The following PRKN variants were observed in gnomAD, a reference collection of about 807,000 sequenced individuals.
PRKN encodes parkin RBR E3 ubiquitin protein ligase.
A neutral mutation model predicts 59.5 loss-of-function variants in PRKN; 56 were observed. That is an observed-to-expected ratio of 0.94 (90% CI 0.76 to 1.18). PRKN has a LOEUF of 1.18. Among genes scored for constraint, PRKN ranks in the 50% most tolerant of loss-of-function variants. The pLI, the probability that PRKN is intolerant of heterozygous loss-of-function variation, is 0.00. For synonymous variants in PRKN, 250 were observed against 222.1 expected, an observed-to-expected ratio of 1.13 and a Z score of -1.12; for missense variants, 657 against 596.4, an observed-to-expected ratio of 1.10 and a Z score of -1.06.
At chr6:162,719,915 A>G (rs1485093993) in intron 1 of PRKN, among the ~76,000 whole-genome samples, 1 of 114,630 alleles carries the variant, frequency 8.7e-6, no homozygotes, top group Non-Finnish European at 1.8e-5. Context: ...AAAAAAAAAA[A>G]AAAACTAAAG....
intron 1 of PRKN, among the ~76,000 whole-genome samples, chr6:162,469,228 GAA>G (rs1791586122): frequency 2.0e-5 from 3 of 151,634 alleles, no homozygotes; most frequent in Admixed American, 2.0e-4. Context: ...CACACTATAA[GAA>G]AAGTTCAGAG....
At chr6:161,980,709 G>A (rs1052424597) in intron 5 of PRKN, among the ~76,000 whole-genome samples, 1 of 152,148 alleles carries the variant, frequency 6.6e-6, no homozygotes, top group African/African-American at 2.4e-5. Context: ...AAATGCCCCT[G>A]GCTTCTGCCT....
chr6:161,577,996 C>T (rs1052509368), intron 7 of PRKN, among the ~76,000 whole-genome samples: 19 of 152,122 alleles, frequency 1.2e-4, no homozygotes, highest in Admixed American at 5.9e-4. Flanking sequence ...CTATGCGTAA[C>T]GCCAGGGGCC....
At chr6:162,569,418 A>G in intron 1 of PRKN, 1 of 680,880 alleles carries the variant, frequency 1.5e-6, no homozygotes, top group East Asian at 2.9e-5. Flanking sequence ...AAGAACATGA[A>G]GCTGGCCCTG....
intron 1 of PRKN, among the ~76,000 whole-genome samples, chr6:162,670,789 T>C (rs142701063): frequency 1.1e-4 from 17 of 152,328 alleles, no homozygotes; most frequent in African/African-American, 3.8e-4. Context: ...TTTTTTCCTA[T>C]AGAATTTAAG....
In PRKN at chr6:161,423,157, T is replaced by A. The variant is rs907731062; in HGVS notation, c.1084-36280A>T. 5.9e-5 allele frequency among the ~76,000 whole-genome samples: 9 copies of A among 152,170 alleles called. No individual in the cohort carries two copies. The highest frequency in any genetic ancestry group is 2.6e-4 in the Admixed American group (4 of 15,254). ...CTGCACTGGGTGTGAGATATCAGCA[T>A]CTTTAATGTATGCCAGCCTTGCATG... On this transcript the variant is annotated intron_variant, in intron 9 of 11. Transcript: ENST00000366898. This position sits in a 1 kb window ranked among gnomAD's most constrained non-coding sequence, Gnocchi z 5.9.
chr6:162,262,808 A>G, intron 2 of PRKN, 43 bp from the exon 3 acceptor site: 1 of 1,590,934 alleles, frequency 6.3e-7, no homozygotes, highest in Non-Finnish European at 8.5e-7. Context: ...AAAAAAGGAA[A>G]TGTCAAACAT....
rs1171952868 is a variant in PRKN at position 161,369,586 on chromosome 6, C to T, written c.1168-9381G>A. The stretch of plus-strand genomic sequence containing the variant: ...GTGTGGCTCTCACGGGGCAGTGTAA[C>T]TGTTAGGTAATTGCATAGAATTCTG... On this transcript the variant is annotated intron_variant, in intron 10 of 11. Transcript: ENST00000366898. This position sits in a 1 kb window ranked among gnomAD's most constrained non-coding sequence, Gnocchi z 5.8. 6.6e-6 allele frequency among the ~76,000 whole-genome samples: 1 copy of T among 152,132 alleles called. No homozygotes were observed. The highest frequency in any genetic ancestry group is 1.5e-5 in the Non-Finnish European group (1 of 68,032).
intron 7 of PRKN, among the ~76,000 whole-genome samples, chr6:161,717,310 A>G (rs1454778813): frequency 1.3e-5 from 2 of 151,992 alleles, no homozygotes; most frequent in African/African-American, 2.4e-5. Context: ...ATCCCCCTTC[A>G]CCTCCCAAAG....
At chr6:161,367,339 T>C (rs1317638208) in intron 10 of PRKN, among the ~76,000 whole-genome samples, 1 of 152,112 alleles carries the variant, frequency 6.6e-6, no homozygotes, top group African/African-American at 2.4e-5. Context: ...GCAGGACAGC[T>C]ACCCACTTTC....
At chr6:162,430,969 A>C (rs941473305) in intron 2 of PRKN, among the ~76,000 whole-genome samples, 3 of 152,174 alleles carry the variant, frequency 2.0e-5, no homozygotes, top group Non-Finnish European at 4.4e-5. Flanking sequence ...AGCAAATTCC[A>C]GTTGTGTGTG....
intron 9 of PRKN, among the ~76,000 whole-genome samples, chr6:161,482,898 AT>A (rs1440266889): frequency 6.6e-6 from 1 of 152,204 alleles, no homozygotes; most frequent in Non-Finnish European, 1.5e-5. Context: ...CACTTTAAGT[AT>A]TTTAGCTTAG....
At chr6:162,539,731 G>A (rs974909349) in intron 1 of PRKN, among the ~76,000 whole-genome samples, 1 of 152,006 alleles carries the variant, frequency 6.6e-6, no homozygotes, top group Non-Finnish European at 1.5e-5. Context: ...GAAAATACTG[G>A]GCTGCTGACA....
chr6:162,531,376 G>A (rs1270384294), intron 1 of PRKN, among the ~76,000 whole-genome samples: 3 of 152,114 alleles, frequency 2.0e-5, no homozygotes, highest in Admixed American at 1.3e-4. Flanking sequence ...AGTAATTCAC[G>A]CAGAGCCGGC....
At chr6:161,837,203 T>C (rs1792793506) in intron 6 of PRKN, among the ~76,000 whole-genome samples, 1 of 152,154 alleles carries the variant, frequency 6.6e-6, no homozygotes, top group African/African-American at 2.4e-5. Context: ...ATCCTTCAGC[T>C]TTCCCGAGAA....
intron 9 of PRKN, among the ~76,000 whole-genome samples, chr6:161,531,376 G>A (rs1191435242): frequency 1.2e-4 from 16 of 135,996 alleles, no homozygotes; most frequent in African/African-American, 2.9e-4. Flanking sequence ...GCGAGACTCC[G>A]TCTCAAAAAA....
chr6:161,535,626 A>G (rs1355079877), intron 9 of PRKN, among the ~76,000 whole-genome samples: 1 of 152,220 alleles, frequency 6.6e-6, no homozygotes, highest in Non-Finnish European at 1.5e-5. Context: ...CCTCACAAGT[A>G]ACTTTTCTCT....
At chr6:162,282,994 CTT>C (rs753282460) in intron 2 of PRKN, among the ~76,000 whole-genome samples, 5 of 144,774 alleles carry the variant, frequency 3.5e-5, no homozygotes, top group Admixed American at 1.4e-4. Flanking sequence ...TTCTCTCTCT[CTT>C]TTTTTTTTTT....
rs750605534 is a variant in PRKN, at chr6:161,546,972, A to C, written c.1083+1882T>G. ...GAGCTACCTTGGAAGTAGATCTTCC[A>C]GCCCCAGTTAAGCCTCCAGATAACT... On this transcript the variant is annotated intron_variant, in intron 9 of 11. Transcript: ENST00000366898. The surrounding 1 kb of genome is among the most constrained non-coding windows in gnomAD (Gnocchi z 4.4). Among the ~76,000 whole-genome samples, 1 of 152,132 alleles carries C rather than the reference A, an allele frequency of 6.6e-6. No individual in the cohort carries two copies. The highest frequency in any genetic ancestry group is 1.5e-5 in the Non-Finnish European group (1 of 68,036).
Sources: allele counts gnomAD v4.1 joint callset (sites outside exome capture counted in the v4.1 genomes callset), GRCh38; gene constraint gnomAD v4.1.1; non-coding constraint Gnocchi (gnomAD v3.1); transcripts MANE v1.5; gene names NCBI Gene and HGNC (gene_info 2026-07-23, HGNC 2026-07-21).